Variants in SHISA9 observed in about 807,000 individuals in gnomAD.
SHISA9 encodes shisa family member 9.
Under a neutral mutation model 38.0 loss-of-function variants are expected in SHISA9, and 13 were observed. The ratio of observed to expected loss-of-function variants is 0.34; its 90% CI spans 0.22 to 0.54. SHISA9 has a LOEUF of 0.54. SHISA9 is among the 20% of genes least tolerant of loss of function. The pLI, the probability that SHISA9 is intolerant of heterozygous loss-of-function variation, is 0.91. For synonymous variants in SHISA9, 275 were observed against 242.0 expected, an observed-to-expected ratio of 1.14 and a Z score of -1.27; for missense variants, 538 against 575.8, an observed-to-expected ratio of 0.93 and a Z score of 0.67.
rs577348803 is a variant in SHISA9 at position 13,063,670 on chromosome 16, C to T, written c.692-139724C>T. 1.2e-4 allele frequency among the ~76,000 whole-genome samples: 19 copies of T among 152,186 alleles called. No individual in the cohort carries two copies. In the South Asian group the frequency reaches 1.5e-3, roughly 12 times the overall value. On this transcript the variant is annotated intron_variant, in intron 2 of 4. Transcript: ENST00000558583. ...GCATTGACAGCTCACCACTTTCCAG[C>T]GAGAGTCAGTGATGGTATCCAAGGA...
intron 2 of SHISA9, among the ~76,000 whole-genome samples, chr16:13,135,673 T>C (rs2141991028): frequency 6.6e-6 from 1 of 152,340 alleles, no homozygotes; most frequent in South Asian, 2.1e-4. Context: ...CATCTGCTTC[T>C]GGAGAACTCA....
chr16:12,983,767 C>T (rs1043671746), intron 2 of SHISA9, among the ~76,000 whole-genome samples: 3 of 152,178 alleles, frequency 2.0e-5, no homozygotes, highest in Admixed American at 6.5e-5. Flanking sequence ...GGATTACAGG[C>T]GTGAGCCACC....
At chr16:13,196,087 CAA>C (rs1172680715) in intron 2 of SHISA9, among the ~76,000 whole-genome samples, 141 of 14,110 alleles carry the variant, frequency 1.0e-2, no homozygotes, top group East Asian at 0.047. Context: ...GACTCTCTCT[CAA>C]AAAAAAAAAA....
chr16:13,550,793 A>G, the SHISA9 span, among the ~76,000 whole-genome samples: 1 of 152,164 alleles, frequency 6.6e-6, no homozygotes, highest in South Asian at 2.1e-4. Flanking sequence ...TTCTTTCCCA[A>G]CTTGATTTGT....
At chr16:13,449,840 G>C in the SHISA9 span, among the ~76,000 whole-genome samples, 1 of 152,144 alleles carries the variant, frequency 6.6e-6, no homozygotes, top group African/African-American at 2.4e-5. Context: ...GACAGGTCTG[G>C]GCGCTGTGGC....
chr16:13,015,853 CCTTTCTTTCTTTCTTTCTTTCTTTCTTT>C (rs201249295), intron 2 of SHISA9, among the ~76,000 whole-genome samples: 4 of 98,632 alleles, frequency 4.1e-5, no homozygotes, highest in Admixed American at 2.2e-4. Context: ...TCTTTCTTTC[CCTTTCTTTCTTTCTTTCTTTCTTTCTTT>C]CTTTCTTTCT....
the SHISA9 span, among the ~76,000 whole-genome samples, chr16:13,440,128 A>C: frequency 6.6e-6 from 1 of 152,166 alleles, no homozygotes; most frequent in African/African-American, 2.4e-5. Context: ...CACGCAGTCA[A>C]ATGCCCCCAC....
intron 2 of SHISA9, among the ~76,000 whole-genome samples, chr16:13,139,731 C>T (rs1234103788): frequency 6.6e-6 from 1 of 152,114 alleles, no homozygotes; most frequent in Non-Finnish European, 1.5e-5. Flanking sequence ...CTGAGGTGGA[C>T]ATTTTGTTCC....
chr16:13,506,541 C>A, the SHISA9 span, among the ~76,000 whole-genome samples: 1 of 152,100 alleles, frequency 6.6e-6, no homozygotes, highest in East Asian at 1.9e-4. Context: ...AGCAAAAGAC[C>A]TGATGGAATT....
chr16:13,043,499 A>G (rs780908904), intron 2 of SHISA9, among the ~76,000 whole-genome samples: 8 of 152,224 alleles, frequency 5.3e-5, no homozygotes, highest in Non-Finnish European at 1.0e-4. Flanking sequence ...AAGTAATTGC[A>G]GTTTTTGCCA....
the SHISA9 span, among the ~76,000 whole-genome samples, chr16:13,406,387 G>A: frequency 6.6e-6 from 1 of 152,148 alleles, no homozygotes; most frequent in East Asian, 1.9e-4. Flanking sequence ...CCAGGTTCAT[G>A]TTATTTGCCT....
chr16:13,065,424 A>G (rs1441561253), intron 2 of SHISA9, among the ~76,000 whole-genome samples: 1 of 152,238 alleles, frequency 6.6e-6, no homozygotes, highest in Non-Finnish European at 1.5e-5. Flanking sequence ...TAGAGAGAAG[A>G]AAACAGAATT....
chr16:13,522,281 A>G, the SHISA9 span, among the ~76,000 whole-genome samples: 1 of 152,202 alleles, frequency 6.6e-6, no homozygotes, highest in Non-Finnish European at 1.5e-5. Context: ...CAGGTAGAGG[A>G]TGGTATAAGC....
chr16:12,946,139 C>T (rs9788892), intron 2 of SHISA9, among the ~76,000 whole-genome samples: 96,762 of 152,112 alleles, frequency 0.64, 30,979 homozygotes, highest in African/African-American at 0.67. Flanking sequence ...TTGTCAAAGA[C>T]CAGATGGTTG....
At chr16:13,407,791 G>T in the SHISA9 span, among the ~76,000 whole-genome samples, 1 of 152,150 alleles carries the variant, frequency 6.6e-6, no homozygotes, top group African/African-American at 2.4e-5. Context: ...ATGAAAAAAA[G>T]AAACTTGAGA....
rs567347237 is a variant in SHISA9, at chr16:13,180,663, A to C, written c.692-22731A>C. Among the ~76,000 whole-genome samples the C allele has an allele frequency of 6.2e-4, 95 of 152,258 alleles. 2 individuals are homozygous for C. In the South Asian group the frequency reaches 0.019, roughly 31 times the overall value. ...TAGTGAACCATGACTGCATCACCGC[A>C]CTCCAGCCTAGGTGACAGAGTGAGA... On this transcript the variant is annotated intron_variant, in intron 2 of 4. Coordinates refer to ENST00000558583, the MANE Select transcript of SHISA9 (RefSeq NM_001145204.3).
chr16:13,056,558 A>G (rs960870605), intron 2 of SHISA9, among the ~76,000 whole-genome samples: 1 of 152,190 alleles, frequency 6.6e-6, no homozygotes, highest in Non-Finnish European at 1.5e-5. Context: ...TATGGGTTGG[A>G]AGGATTTATT....
chr16:13,313,254 C>CAAAAAAAAAA, the SHISA9 span, among the ~76,000 whole-genome samples: 1 of 49,670 alleles, frequency 2.0e-5, no homozygotes, highest in Non-Finnish European at 4.7e-5. Context: ...GACTCCGTCT[C>CAAAAAAAAAA]AAAAAAAAAA....
At chr16:13,302,824 T>C in the SHISA9 span, among the ~76,000 whole-genome samples, 3 of 152,294 alleles carry the variant, frequency 2.0e-5, no homozygotes, top group South Asian at 6.2e-4. Context: ...GGTAATTGGG[T>C]CATGGGTGTG....
Sources: gnomAD v4.1 joint callset for allele counts (sites outside exome capture counted in the v4.1 genomes callset) on GRCh38, gnomAD v4.1.1 for gene constraint, MANE v1.5 for transcripts, NCBI Gene and HGNC (gene_info 2026-07-23, HGNC 2026-07-21) for gene names.